DDHD2: variants seen among roughly 807,000 people sequenced by gnomAD.
DDHD2 encodes the protein triacylglycerol hydrolase DDHD2.
In DDHD2, 62 loss-of-function variants were observed where a neutral mutation model predicts 91.2. The observed-to-expected ratio is 0.68, with a 90% CI of 0.55 to 0.84. DDHD2 has a LOEUF of 0.84. Ranked by LOEUF, DDHD2 falls within the 40% of genes least tolerant of loss-of-function variation. DDHD2 has a pLI of 0.00. For missense variants in DDHD2, 740 were observed against 846.9 expected, an observed-to-expected ratio of 0.87 and a Z score of 1.57; for synonymous variants, 271 against 293.9, an observed-to-expected ratio of 0.92 and a Z score of 0.80.
In DDHD2 at chr8:38,253,019, C is replaced by T. The variant is rs1215601645; in HGVS notation, c.1783C>T (p.Arg595Trp). Residue 595 changes from arginine to tryptophan, a missense_variant, in exon 15 of 18, where the codon CGG (arginine) becomes TGG (tryptophan). Arg to Trp is a moderately radical substitution (Grantham distance 101). Coordinates refer to ENST00000397166, the MANE Select transcript of DDHD2 (RefSeq NM_015214.3). The part of the protein sequence containing the change: ...DLKNNLLGSL[R>W]MAWKSFTRAP... ...TAAGAACAACTTGCTAGGTTCGCTG[C>T]GGATGGCCTGGAAGTCTTTTACCAG... 9 of 1,613,982 alleles carry T rather than the reference C, an allele frequency of 5.6e-6. No homozygotes were observed. Among genetic ancestry groups the T allele is most frequent in the South Asian group, 2.2e-5 (2 of 91,074 alleles).
chr8:38,268,918 G>T, intron 1 of DDHD2: 1 of 1,560,790 alleles, frequency 6.4e-7, no homozygotes, highest in African/African-American at 1.4e-5. Context: ...CCGCCTCCAC[G>T]TAGGGGTTCC....
intron 1 of DDHD2, chr8:38,269,374 C>T (rs1808339309): frequency 3.1e-6 from 2 of 643,534 alleles, no homozygotes; most frequent in East Asian, 3.5e-5. Flanking sequence ...GCAAAGCCAG[C>T]GGAGCTGCCC....
At chr8:38,268,971 G>C (rs759812729) in intron 1 of DDHD2, 3 of 1,570,100 alleles carry the variant, frequency 1.9e-6, no homozygotes, top group African/African-American at 2.8e-5. Context: ...CTCTGGAACG[G>C]GGGGAGCAGC....
chr8:38,250,094 T>G lies in DDHD2; in HGVS notation c.1344+291T>G, dbSNP rs552083016. The G allele has an allele frequency of 1.3e-4, 23 of 179,790 alleles. No homozygotes were observed. The East Asian group carries it at 3.3e-3, about 26-fold the overall frequency. The allele number at this position is 179,790 out of a possible 1,614,324, so 11.1% of individuals were successfully genotyped here. A position where few individuals can be genotyped will look rare whatever the true frequency, so the allele number is the denominator to read the frequency against. On this transcript the variant is annotated intron_variant, in intron 11 of 17. Coordinates refer to ENST00000397166, the MANE Select transcript of DDHD2 (RefSeq NM_015214.3). ...ACCATGCCTGGCTAATTTTTGTATTTTTAATAGAGACGGTGTTTCACCATA... is the reference window on the plus strand; with the variant it reads ...ACCATGCCTGGCTAATTTTTGTATTGTTAATAGAGACGGTGTTTCACCATA...
In DDHD2 at chr8:38,252,482, G is replaced by C. The variant is rs537367242; in HGVS notation, c.1617+195G>C. Among the ~76,000 whole-genome samples the C allele has an allele frequency of 3.9e-5, 6 of 152,046 alleles. No individual in the cohort carries two copies. In the East Asian group the frequency reaches 1.2e-3, roughly 29 times the overall value. ...AAATGAACTTATGATTATTGTTTAAGATACATAGTTCTGGTTGTACATGGT... is the reference window on the plus strand; with the variant it reads ...AAATGAACTTATGATTATTGTTTAACATACATAGTTCTGGTTGTACATGGT... On this transcript the variant is annotated intron_variant, in intron 13 of 17. Transcript: ENST00000397166.
downstream of DDHD2, chr8:38,265,067 G>T: frequency 1.4e-6 from 1 of 715,058 alleles, no homozygotes; most frequent in South Asian, 1.6e-5. Context: ...AGGAGATTGA[G>T]ACCAGCCTGA....
At chr8:38,272,483 G>A (rs1808505228), downstream of DDHD2, 1 of 152,292 alleles carries the variant, frequency 6.6e-6, no homozygotes, top group Non-Finnish European at 1.5e-5. Flanking sequence ...GCCAGCCACA[G>A]GCAGCTCTTC....
chr8:38,268,296 C>T, intron 1 of DDHD2: 4 of 1,343,956 alleles, frequency 3.0e-6, no homozygotes, highest in Admixed American at 2.0e-5. Context: ...CACACAGGCT[C>T]ACCGTGGCTG....
At chr8:38,247,586 C>T in intron 9 of DDHD2, 127 bp from the exon 10 acceptor site, 1 of 538,562 alleles carries the variant, frequency 1.9e-6, no homozygotes, top group Non-Finnish European at 3.0e-6. Context: ...TTATATCTTG[C>T]ATAAATGACA....
chr8:38,263,324 T>TTCA (rs1488314230), downstream of DDHD2: 1 of 921,994 alleles, frequency 1.1e-6, no homozygotes, highest in Non-Finnish European at 1.3e-6. Context: ...CAGAAAAAGA[T>TTCA]TCATCTGTCC....
At chr8:38,268,236 C>A in intron 1 of DDHD2, 1 of 1,070,246 alleles carries the variant, frequency 9.3e-7, no homozygotes, top group Non-Finnish European at 1.3e-6. Flanking sequence ...TGCTATTTTC[C>A]TCTCCCGCGG....
chr8:38,252,295 T>C lies in DDHD2; in HGVS notation c.1617+8T>C. On this transcript the variant is annotated splice_region_variant and intron_variant, in intron 13 of 17. Transcript: ENST00000397166. ...TTCAATATTTATCACCCTGTAAGCA[T>C]TGTACAGCTATTGTGGTTTTACCTA... The C allele has an allele frequency of 6.2e-7, 1 of 1,605,510 alleles. No homozygotes were observed. The highest frequency in any genetic ancestry group is 8.5e-7 in the Non-Finnish European group (1 of 1,176,546).
At chr8:38,238,038 A>G (rs1161549196) in intron 4 of DDHD2, 51 bp from the exon 5 acceptor site, 1 of 1,523,486 alleles carries the variant, frequency 6.6e-7, no homozygotes, top group Non-Finnish European at 8.8e-7. Flanking sequence ...CATTGTATAG[A>G]GATGATTGTA....
Position 38,251,966 on chromosome 8 carries a change from T to C in DDHD2, c.1399T>C (p.Ser467Pro), listed in dbSNP as rs1238654484. Residue 467 changes from serine to proline, a missense_variant, in exon 12 of 18, where the codon TCT becomes CCT. By Grantham distance (74) the Ser-to-Pro change is moderately conservative. This residue lies in a region of DDHD2 where 693 missense variants were observed against 764.2 expected (regional missense o/e 0.91). Coordinates refer to ENST00000397166, the MANE Select transcript of DDHD2 (RefSeq NM_015214.3). ...TTCAGGGGCAAACATCCCCAAAGAA[T>C]CTGAGTTCTGCAGTAGCAGTAATAC... The part of the protein sequence containing the change: ...PASGANIPKE[S>P]EFCSSSNTRN... 6.2e-7 allele frequency: 1 copy of C among 1,614,224 alleles called. No homozygotes were observed.
chr8:38,268,711 CCT>C (rs1341511159), intron 1 of DDHD2: 27 of 1,433,080 alleles, frequency 1.9e-5, no homozygotes, highest in African/African-American at 2.9e-5. Flanking sequence ...CGGACACCCT[CCT>C]CTCTCAATCA....
chr8:38,260,319 G>A (rs761882983), intron 17 of DDHD2, 172 bp downstream of exon 17: 7 of 478,176 alleles, frequency 1.5e-5, no homozygotes, highest in Admixed American at 6.6e-5. Context: ...AAAAAACACA[G>A]TAGCCCATTT....
chr8:38,253,514 C>T lies in DDHD2; in HGVS notation c.1892-42C>T, dbSNP rs771503430. 3 of 1,579,794 alleles carry T rather than the reference C, an allele frequency of 1.9e-6. No homozygotes were observed. The East Asian group carries it at 6.7e-5, about 35-fold the overall frequency. ...GAAGTTAACAGGATAACCCTGAAGG[C>T]CAAAAGGTTTTAGATTCTTATTATG... On this transcript the variant is annotated intron_variant, in intron 15 of 17. Coordinates refer to ENST00000397166, the MANE Select transcript of DDHD2 (RefSeq NM_015214.3).
downstream of DDHD2, chr8:38,267,512 T>TA: frequency 8.3e-7 from 1 of 1,211,198 alleles, no homozygotes; most frequent in South Asian, 1.5e-5. Flanking sequence ...CAAAATAAGG[T>TA]AACTGGCTTA....
chr8:38,268,066 A>G (rs1158925431), intron 1 of DDHD2: 3 of 1,567,378 alleles, frequency 1.9e-6, no homozygotes, highest in South Asian at 2.4e-5. Context: ...ATAGAATCCA[A>G]CCAGGCCTGG....
Sources: gnomAD v4.1 joint callset for allele counts (sites outside exome capture counted in the v4.1 genomes callset) on GRCh38, gnomAD v4.1.1 for gene constraint, gnomAD v4.1.1 regional missense constraint, MANE v1.5 for transcripts, NCBI Gene and HGNC (gene_info 2026-07-23, HGNC 2026-07-21) for gene names.